ITGA2: variants seen among roughly 807,000 people sequenced by gnomAD.
ITGA2 encodes integrin alpha-2.
In ITGA2, 101 loss-of-function variants were observed where a neutral mutation model predicts 146.3. The ratio of observed to expected loss-of-function variants is 0.69; its 90% confidence interval spans 0.59 to 0.81. ITGA2 has a LOEUF of 0.81. ITGA2 is among the 40% of genes least tolerant of loss of function. The pLI is 0.00. For synonymous variants in ITGA2, 477 were observed against 487.1 expected, an observed-to-expected ratio of 0.98 and a Z score of 0.27; for missense variants, 1,281 against 1,402.7, an observed-to-expected ratio of 0.91 and a Z score of 1.39.
rs1740585257 is a variant in ITGA2 at position 53,094,133 on chromosome 5, G to T, written c.*3534G>T. ...AAATTAAGACATCATCATACAGAAG[G>T]CAGGATTCCTTAAACTGAGATCCCT... On this transcript the variant is annotated 3_prime_UTR_variant, in exon 30 of 30. Coordinates refer to ENST00000296585, the MANE Select transcript of ITGA2 (RefSeq NM_002203.4). The T allele has an allele frequency of 6.6e-6, 1 of 152,108 alleles. No individual in the cohort carries two copies. Among genetic ancestry groups the T allele is most frequent in the Non-Finnish European group, 1.5e-5 (1 of 67,958 alleles). The allele number at this position is 152,108 out of a possible 1,614,324, so 9.4% of individuals were successfully genotyped here. A position where few individuals can be genotyped will look rare whatever the true frequency, so the allele number is the denominator to read the frequency against.
intron 1 of ITGA2, among the ~76,000 whole-genome samples, chr5:52,992,243 C>T (rs1419243366): frequency 3.3e-5 from 5 of 152,260 alleles, no homozygotes; most frequent in African/African-American, 9.6e-5. Context: ...GCTGCTCTCC[C>T]GTCATCTCCT....
chr5:53,019,189 T>C (rs1310815738), intron 1 of ITGA2, among the ~76,000 whole-genome samples: 1 of 152,164 alleles, frequency 6.6e-6, no homozygotes, highest in Non-Finnish European at 1.5e-5. Flanking sequence ...TTAAAAATGA[T>C]TCAATGATTT....
At chr5:53,074,870 T>A (rs1444148954) in intron 21 of ITGA2, among the ~76,000 whole-genome samples, 191 bp from the exon 22 acceptor site, 6 of 151,968 alleles carry the variant, frequency 3.9e-5, no homozygotes, top group African/African-American at 1.2e-4. Flanking sequence ...GTCAAGCTTC[T>A]CTAATTCTAA....
At chr5:53,072,086 A>G in intron 18 of ITGA2, 38 bp downstream of exon 18, 3 of 1,399,960 alleles carry the variant, frequency 2.1e-6, no homozygotes, top group Non-Finnish European at 3.0e-6. Context: ...TAGACTGGCA[A>G]ATAAAGTTCC....
chr5:53,042,145 T>A lies in ITGA2; in HGVS notation c.219T>A (p.Pro73=). The A allele has an allele frequency of 6.2e-7, 1 of 1,613,296 alleles. No homozygotes were observed. Among genetic ancestry groups the A allele is most frequent in the East Asian group, 2.2e-5 (1 of 44,852 alleles). ...LLVGSPWSGF[P]ENRMGDVYKC... ...TTGGTTCACCCTGGAGTGGCTTTCC[T>A]GAGAACCGAATGGGAGATGTGTATA... The change falls in exon 3 of 30, where the codon CCT becomes CCA. Residue 73 remains proline (P), a synonymous_variant. Transcript: ENST00000296585.
chr5:53,016,792 T>C (rs573015194), intron 1 of ITGA2, among the ~76,000 whole-genome samples: 1 of 152,328 alleles, frequency 6.6e-6, no homozygotes, highest in African/African-American at 2.4e-5. Flanking sequence ...TCTTTTTTAT[T>C]CTTTTTTCTT....
rs376863605 is a variant in ITGA2 at position 53,021,182 on chromosome 5, A to G, written c.65-5566A>G. On this transcript the variant is annotated intron_variant, in intron 1 of 29. Coordinates refer to ENST00000296585, the MANE Select transcript of ITGA2 (RefSeq NM_002203.4). ...TCACAATTGCTGTTTTTTTAATGGC[A>G]GGATAAAACTCTGTCTAGTTTATAT... is the stretch of plus-strand genomic sequence containing the variant. 2.4e-4 allele frequency among the ~76,000 whole-genome samples: 37 copies of G among 152,226 alleles called. No homozygotes were observed. In the East Asian group the frequency reaches 6.8e-3, roughly 28 times the overall value.
intron 17 of ITGA2, among the ~76,000 whole-genome samples, chr5:53,070,721 G>A (rs370852656): frequency 2.0e-5 from 3 of 151,848 alleles, no homozygotes; most frequent in South Asian, 2.1e-4. Flanking sequence ...TGTTCTAATC[G>A]TATGCTGTAA....
At chr5:53,018,979 G>T (rs1742537326) in intron 1 of ITGA2, among the ~76,000 whole-genome samples, 1 of 152,054 alleles carries the variant, frequency 6.6e-6, no homozygotes, top group Non-Finnish European at 1.5e-5. Flanking sequence ...TATGAGAATT[G>T]CTTGAACCCG....
At chr5:53,056,537 A>G (rs1744643423) in intron 9 of ITGA2, among the ~76,000 whole-genome samples, 1 of 152,088 alleles carries the variant, frequency 6.6e-6, no homozygotes, top group East Asian at 1.9e-4. Flanking sequence ...CTTTTGGGGG[A>G]CAATGTATGA....
intron 1 of ITGA2, among the ~76,000 whole-genome samples, chr5:53,008,672 A>G (rs1289313059): frequency 1.3e-5 from 2 of 152,102 alleles, no homozygotes; most frequent in Non-Finnish European, 2.9e-5. Flanking sequence ...TAAAATTGAG[A>G]TAAGATTTAT....
chr5:53,083,383 A>T lies in ITGA2; in HGVS notation c.3188A>T (p.Lys1063Ile), dbSNP rs1443130011. ...TGTAGTAATGTTACCTGCTGGTTGA[A>T]AGACGTTCACATGAAAGGAGAATAC... ...ASCSNVTCWL[K>I]DVHMKGEYFV... is the part of the protein sequence containing the mutation. The change falls in exon 27 of 30, where the codon AAA becomes ATA. Residue 1063 changes from lysine to isoleucine, a missense_variant. Around this residue, in one of 3 missense-constraint regions of ITGA2, gnomAD observed 475 missense variants for 530.5 expected, o/e 0.90. Coordinates refer to ENST00000296585, the MANE Select transcript of ITGA2 (RefSeq NM_002203.4). 6.2e-7 allele frequency: 1 copy of T among 1,613,848 alleles called. No homozygotes were observed. Among genetic ancestry groups the T allele is most frequent in the East Asian group, 2.2e-5 (1 of 44,872 alleles).
intron 2 of ITGA2, among the ~76,000 whole-genome samples, chr5:53,033,764 AT>A (rs138567152): frequency 0.36 from 48,841 of 135,574 alleles, 7,720 homozygotes; most frequent in Middle Eastern, 0.45. Context: ...TACTAGGCTA[AT>A]TTTTTTTTTT....
At chr5:52,997,606 G>A (rs928879454) in intron 1 of ITGA2, among the ~76,000 whole-genome samples, 3 of 152,192 alleles carry the variant, frequency 2.0e-5, no homozygotes, top group African/African-American at 4.8e-5. Context: ...TTCATTTGAA[G>A]GTGGCCTTTG....
At chr5:52,995,616 AG>A (rs1238235168) in intron 1 of ITGA2, among the ~76,000 whole-genome samples, 3 of 152,330 alleles carry the variant, frequency 2.0e-5, no homozygotes, top group African/African-American at 7.2e-5. Context: ...TGGAGGAAAA[AG>A]ATGATCAGTT....
At chr5:53,013,932 C>T (rs963646396) in intron 1 of ITGA2, among the ~76,000 whole-genome samples, 1 of 151,922 alleles carries the variant, frequency 6.6e-6, no homozygotes, top group African/African-American at 2.4e-5. Flanking sequence ...AGGAATGCTA[C>T]TGATTTTTGT....
rs887969187 is a variant in ITGA2, at chr5:53,087,029, T to G, written c.3336T>G (p.Asp1112Glu). Reference sequence around the variant, plus strand: ...ACCCTGAGATATATGTGATTGAAGATAACACTGTTACGGTGAGCATATCAC... The same window carrying G: ...ACCCTGAGATATATGTGATTGAAGAGAACACTGTTACGGTGAGCATATCAC... Reference protein sequence around the residue: ...TYNPEIYVIEDNTVTIPLMIM... With the variant: ...TYNPEIYVIEENTVTIPLMIM... Residue 1112 changes from aspartate (D) to glutamate (E), a missense_variant, in exon 28 of 30, where the codon GAT (aspartate) becomes GAG (glutamate). This residue lies in a region of ITGA2 where 475 missense variants were observed against 530.5 expected (regional missense o/e 0.90). Transcript: ENST00000296585. 2.5e-6 allele frequency: 4 copies of G among 1,612,184 alleles called. No homozygotes were observed. Among genetic ancestry groups the G allele is most frequent in the South Asian group, 1.1e-5 (1 of 91,032 alleles).
At chr5:53,044,359 TTAAGAA>T (rs980855437) in intron 3 of ITGA2, among the ~76,000 whole-genome samples, 3 of 138,824 alleles carry the variant, frequency 2.2e-5, no homozygotes, top group African/African-American at 8.3e-5. Context: ...AGGAATCCAA[TTAAGAA>T]TAAGTGACAG....
At chr5:53,046,332 T>C (rs1419591396) in intron 4 of ITGA2, among the ~76,000 whole-genome samples, 1 of 152,078 alleles carries the variant, frequency 6.6e-6, no homozygotes, top group Non-Finnish European at 1.5e-5. Flanking sequence ...ATGTAATCAA[T>C]TTTCAACGTC....
Sources: allele counts gnomAD v4.1 joint callset (sites outside exome capture counted in the v4.1 genomes callset), GRCh38; gene constraint gnomAD v4.1.1; regional missense constraint gnomAD v4.1.1; transcripts MANE v1.5; gene names NCBI Gene and HGNC (gene_info 2026-07-23, HGNC 2026-07-21).